NHEJ1: variants seen among roughly 807,000 people sequenced by gnomAD.
NHEJ1 encodes non-homologous end joining factor 1.
Under a neutral mutation model 39.4 loss-of-function variants are expected in NHEJ1, and 22 were observed. The ratio of observed to expected loss-of-function variants is 0.56; its 90% confidence interval spans 0.40 to 0.80. The LOEUF is 0.80. Among genes scored for constraint, NHEJ1 ranks in the 30% least tolerant of loss-of-function variants. The probability of loss-of-function intolerance (pLI) is 0.00; values close to 1 mark genes in which losing one functional copy is unlikely to be tolerated. For missense variants in NHEJ1, 329 were observed against 357.1 expected (o/e 0.92, Z 0.63); for synonymous variants, 154 against 135.6 (o/e 1.14, Z -0.94).
intron 5 of NHEJ1, among the ~76,000 whole-genome samples, chr2:219,099,719 A>C (rs184793720): frequency 1.3e-4 from 20 of 151,372 alleles, no homozygotes; most frequent in Admixed American, 6.6e-4. Context: ...ATGAAAGAAG[A>C]AACAGCCACC....
chr2:219,083,531 G>T (rs551718870), intron 5 of NHEJ1, among the ~76,000 whole-genome samples: 1 of 151,816 alleles, frequency 6.6e-6, no homozygotes, highest in African/African-American at 2.4e-5. Flanking sequence ...ATGTGGATTT[G>T]TACCTAAGGT....
chr2:219,094,594 C>A (rs2106329407), intron 5 of NHEJ1, among the ~76,000 whole-genome samples: 1 of 152,276 alleles, frequency 6.6e-6, no homozygotes, highest in South Asian at 2.1e-4. Flanking sequence ...CAGATCATTT[C>A]TAGGTGTAGT....
Position 219,106,039 on chromosome 2 carries a change from G to GT in NHEJ1, c.589-27834dup, listed in dbSNP as rs542626159. On this transcript the variant is annotated intron_variant, in intron 5 of 7. Transcript: ENST00000356853. ...TTAATAAAATAGAATTATATTCTTGGTGTTTAATAAGGCACCAGCATATAC... is the reference window on the plus strand; with the variant it reads ...TTAATAAAATAGAATTATATTCTTGGTTGTTTAATAAGGCACCAGCATATAC... Among the ~76,000 whole-genome samples, 149 of 152,092 alleles carry GT rather than the reference G, an allele frequency of 9.8e-4. No individual in the cohort carries two copies. In the Middle Eastern group the frequency reaches 0.017, roughly 17 times the overall value.
intron 5 of NHEJ1, among the ~76,000 whole-genome samples, chr2:219,108,371 G>T (rs1949332533): frequency 6.6e-6 from 1 of 152,290 alleles, no homozygotes; most frequent in Non-Finnish European, 1.5e-5. Context: ...GAGAGTGAAA[G>T]ATAGGTTTTG....
intron 5 of NHEJ1, among the ~76,000 whole-genome samples, chr2:219,127,791 T>TA (rs1949539094): frequency 6.6e-6 from 1 of 152,372 alleles, no homozygotes; most frequent in South Asian, 2.1e-4. Context: ...TATCTCCTCT[T>TA]AAACTGCAGT....
In NHEJ1 at chr2:219,147,786, G is replaced by T. The variant is rs61753340; in HGVS notation, c.400C>A (p.His134Asn). ...ATGCCCATCAGAGGACGAATCAAAT[G>T]TTGGGAGACCTTTGAGGGAAGAGAT... ...MLASPSLVSQHLIRPLMGMSL... is the reference protein window; with the variant it reads ...MLASPSLVSQNLIRPLMGMSL... The change falls in exon 4 of 8, where the codon CAT becomes AAT. Residue 134 changes from histidine (H) to asparagine (N), a missense_variant. Physicochemically the swap from His to Asn is moderately conservative, Grantham distance 68. Coordinates refer to ENST00000356853, the MANE Select transcript of NHEJ1 (RefSeq NM_024782.3). 6 of 1,614,040 alleles carry T rather than the reference G, an allele frequency of 3.7e-6. No individual in the cohort carries two copies. The highest frequency in any genetic ancestry group is 2.7e-5 in the African/African-American group (2 of 74,930).
At chr2:219,077,200 G>C (rs1221021719) in intron 7 of NHEJ1, 46 bp downstream of exon 7, 1 of 1,409,606 alleles carries the variant, frequency 7.1e-7, no homozygotes, top group Non-Finnish European at 1.0e-6. Context: ...GGGGGCTATA[G>C]GTGCCAACTC....
chr2:219,080,589 A>ATATATATATGCTAATATATATACGCT (rs1949054526), intron 5 of NHEJ1, among the ~76,000 whole-genome samples: 4 of 65,490 alleles, frequency 6.1e-5, no homozygotes, highest in African/African-American at 1.8e-4. Flanking sequence ...ATATACGCTT[A>ATATATATATGCTAATATATATACGCT]TATATATATG....
At chr2:219,081,108 A>G (rs1339863182) in intron 5 of NHEJ1, among the ~76,000 whole-genome samples, 2 of 152,196 alleles carry the variant, frequency 1.3e-5, no homozygotes, top group African/African-American at 4.8e-5. Flanking sequence ...AAGGGAGCAG[A>G]TAAAAAGGAG....
Position 219,076,208 on chromosome 2 carries a change from G to A in NHEJ1, c.*173C>T. 7.0e-7 allele frequency: 1 copy of A among 1,428,498 alleles called. No individual in the cohort carries two copies. The highest frequency in any genetic ancestry group is 9.4e-7 in the Non-Finnish European group (1 of 1,060,752). The allele number at this position is 1,428,498 out of a possible 1,614,324, so 88.5% of individuals were successfully genotyped here. A position where few individuals can be genotyped will look rare whatever the true frequency, so the allele number is the denominator to read the frequency against. ...CAGAGACTGGCTTCCACTTGAACAGGGAAGGCCAATTCCCTGTGGGCCTGT... is the reference window on the plus strand; with the variant it reads ...CAGAGACTGGCTTCCACTTGAACAGAGAAGGCCAATTCCCTGTGGGCCTGT... On this transcript the variant is annotated 3_prime_UTR_variant, in exon 8 of 8. Coordinates refer to ENST00000356853, the MANE Select transcript of NHEJ1 (RefSeq NM_024782.3).
intron 5 of NHEJ1, among the ~76,000 whole-genome samples, chr2:219,108,225 T>G (rs1051601320): frequency 1.3e-5 from 2 of 152,208 alleles, no homozygotes; most frequent in Non-Finnish European, 2.9e-5. Flanking sequence ...GTATCAAAAC[T>G]GTCAGAAGGC....
intron 5 of NHEJ1, among the ~76,000 whole-genome samples, chr2:219,114,109 AAC>A (rs929310758): frequency 1.2e-4 from 18 of 152,268 alleles, no homozygotes; most frequent in Middle Eastern, 3.4e-3. Flanking sequence ...AATCTCTGAA[AAC>A]ACACACACAC....
intron 5 of NHEJ1, among the ~76,000 whole-genome samples, chr2:219,099,718 G>T (rs1949238761): frequency 6.6e-6 from 1 of 151,242 alleles, no homozygotes; most frequent in African/African-American, 2.5e-5. Context: ...TATGAAAGAA[G>T]AAACAGCCAC....
chr2:219,155,834 A>G (rs1233671784), intron 3 of NHEJ1, among the ~76,000 whole-genome samples: 4 of 152,112 alleles, frequency 2.6e-5, no homozygotes, highest in Non-Finnish European at 5.9e-5. Context: ...CTGAGGCAGG[A>G]GAATGGCATG....
rs547481122 is a variant in NHEJ1 at position 219,071,183 on chromosome 2, G to C, written c.*5198C>G. 6.6e-4 allele frequency among the ~76,000 whole-genome samples: 100 copies of C among 152,256 alleles called. No homozygotes were observed. Among genetic ancestry groups the C allele is most frequent in the Non-Finnish European group, 1.2e-3 (79 of 68,006 alleles). On this transcript the variant is annotated 3_prime_UTR_variant, in exon 8 of 8. Coordinates refer to ENST00000356853, the MANE Select transcript of NHEJ1 (RefSeq NM_024782.3). ...GCTCCAACCCCTTTCACCATCCCCT[G>C]CTCAGCCTTCAAGGCCTGAGGTAGG...
At position 219,077,145 on chromosome 2, in the gene NHEJ1, T is replaced by C. The variant is rs73991016; in HGVS notation, c.825+101A>G. On this transcript the variant is annotated intron_variant, in intron 7 of 7. Transcript: ENST00000356853. ...TGGTCACAAATATCCCTCAATATTT[T>C]TGAGGCAGTGCCAATGAAGCAGCAA... 4.4e-3 allele frequency: 3,793 copies of C among 860,256 alleles called. 99 individuals are homozygous for C. In the African/African-American group the frequency reaches 0.055, roughly 12 times the overall value. 53.3% of individuals were successfully genotyped at this position (860,256 alleles called of 1,614,324 possible). A position where few individuals can be genotyped will look rare whatever the true frequency, so the allele number is the denominator to read the frequency against.
At chr2:219,094,028 A>G (rs1949184320) in intron 5 of NHEJ1, among the ~76,000 whole-genome samples, 1 of 152,228 alleles carries the variant, frequency 6.6e-6, no homozygotes, top group Non-Finnish European at 1.5e-5. Context: ...TTTCCAGGAA[A>G]TCAAGACTGG....
chr2:219,136,793 G>C (rs894988724), intron 5 of NHEJ1, among the ~76,000 whole-genome samples: 7 of 151,836 alleles, frequency 4.6e-5, no homozygotes, highest in Non-Finnish European at 1.0e-4. Context: ...AGTAGAGATG[G>C]GGTTTCGCCA....
chr2:219,076,206 A>G lies in NHEJ1; in HGVS notation c.*175T>C. 1 of 1,413,888 alleles carries G rather than the reference A, an allele frequency of 7.1e-7. No homozygotes were observed. The highest frequency in any genetic ancestry group is 9.5e-7 in the Non-Finnish European group (1 of 1,053,392). 87.6% of individuals were successfully genotyped at this position (1,413,888 alleles called of 1,614,324 possible). ...CTCAGAGACTGGCTTCCACTTGAACAGGGAAGGCCAATTCCCTGTGGGCCT... is the reference window on the plus strand; with the variant it reads ...CTCAGAGACTGGCTTCCACTTGAACGGGGAAGGCCAATTCCCTGTGGGCCT... On this transcript the variant is annotated 3_prime_UTR_variant, in exon 8 of 8. Transcript: ENST00000356853.
Sources: allele counts gnomAD v4.1 joint callset (sites outside exome capture counted in the v4.1 genomes callset), GRCh38; gene constraint gnomAD v4.1.1; transcripts MANE v1.5; gene names NCBI Gene and HGNC (gene_info 2026-07-23, HGNC 2026-07-21).